PPP1R12B: variants seen among roughly 807,000 people sequenced by gnomAD.
PPP1R12B encodes protein phosphatase 1 regulatory subunit 12B.
A neutral mutation model predicts 126.1 loss-of-function variants in PPP1R12B; 76 were observed. That is an observed-to-expected ratio of 0.60 (90% CI 0.50 to 0.73). The LOEUF (loss-of-function observed/expected upper bound fraction) is 0.73. Ranked by LOEUF, PPP1R12B falls within the 30% of genes least tolerant of loss-of-function variation. The pLI, the probability that PPP1R12B is intolerant of heterozygous loss-of-function variation, is 0.00. For missense variants in PPP1R12B, 1,052 were observed against 1,205.1 expected, an observed-to-expected ratio of 0.87 and a Z score of 1.88; for synonymous variants, 356 against 434.7, an observed-to-expected ratio of 0.82 and a Z score of 2.25.
rs1689955180 is a variant in PPP1R12B, at chr1:202,588,461, T to TGAGTA, written c.*7902_*7906dup. On this transcript the variant is annotated 3_prime_UTR_variant, in exon 24 of 24. Coordinates refer to ENST00000608999, the MANE Select transcript of PPP1R12B (RefSeq NM_002481.4). Reference sequence around the variant, plus strand: ...TTTACTGGTTGTTGTTATATAGTTTTGAGTATTCTGTGTTTGAAAGTTTGG... The same window carrying TGAGTA: ...TTTACTGGTTGTTGTTATATAGTTTTGAGTAGAGTATTCTGTGTTTGAAAGTTTGG... The TGAGTA allele has an allele frequency of 1.3e-5, 2 of 152,742 alleles. No individual in the cohort carries two copies. Among genetic ancestry groups the TGAGTA allele is most frequent in the East Asian group, 3.9e-4 (2 of 5,192 alleles). 9.5% of individuals were successfully genotyped at this position (152,742 alleles called of 1,614,324 possible).
At chr1:202,449,839 A>G (rs1458011795) in intron 13 of PPP1R12B, among the ~76,000 whole-genome samples, 1 of 150,736 alleles carries the variant, frequency 6.6e-6, no homozygotes, top group Admixed American at 6.6e-5. Context: ...GCTACCTGCC[A>G]CCATGCCCGG....
chr1:202,456,908 A>G (rs1280418808), intron 13 of PPP1R12B, among the ~76,000 whole-genome samples: 3 of 152,234 alleles, frequency 2.0e-5, no homozygotes, highest in African/African-American at 7.2e-5. Flanking sequence ...GAATTCACAT[A>G]AAACATAAAC....
At chr1:202,551,460 A>G (rs1686312607) in intron 18 of PPP1R12B, among the ~76,000 whole-genome samples, 1 of 151,954 alleles carries the variant, frequency 6.6e-6, no homozygotes, top group South Asian at 2.1e-4. Context: ...GTATGTAATC[A>G]CCTAGTGCAG....
rs1281423966 is a variant in PPP1R12B, at chr1:202,590,834, AGTTTTCAGCCCCAGG to A, written c.*10283_*10297del. ...AGGCTCTGCCAGGCCCTGATTTTGA[AGTTTTCAGCCCCAGG>A]GTTTTCAGAAAGCAGCAAATCAAGT... On this transcript the variant is annotated 3_prime_UTR_variant, in exon 24 of 24. Transcript: ENST00000608999. 2.0e-5 allele frequency: 3 copies of A among 151,996 alleles called. No homozygotes were observed. The allele number at this position is 151,996 out of a possible 1,614,324, so 9.4% of individuals were successfully genotyped here.
At chr1:202,435,251 C>T (rs535443838) in intron 9 of PPP1R12B, among the ~76,000 whole-genome samples, 2 of 152,188 alleles carry the variant, frequency 1.3e-5, no homozygotes, top group Non-Finnish European at 2.9e-5. Flanking sequence ...CAACCCATAA[C>T]ATTGCCCCCC....
At chr1:202,537,928 A>G (rs1328823028) in intron 18 of PPP1R12B, among the ~76,000 whole-genome samples, 7 of 152,238 alleles carry the variant, frequency 4.6e-5, no homozygotes, top group Non-Finnish European at 7.3e-5. Context: ...TATATAAGCT[A>G]TATCTATAAT....
intron 1 of PPP1R12B, among the ~76,000 whole-genome samples, chr1:202,395,437 A>G (rs564444869): frequency 6.6e-6 from 1 of 152,334 alleles, no homozygotes; most frequent in South Asian, 2.1e-4. Context: ...GACTTAGCTC[A>G]CAACTTACTC....
At chr1:202,406,520 C>T (rs190386068) in intron 1 of PPP1R12B, among the ~76,000 whole-genome samples, 15 of 152,274 alleles carry the variant, frequency 9.9e-5, no homozygotes, top group Admixed American at 9.8e-4. Flanking sequence ...CAAGTAGTTT[C>T]TTGACCCTGG....
intron 13 of PPP1R12B, among the ~76,000 whole-genome samples, chr1:202,479,761 C>T (rs976612857): frequency 6.6e-6 from 1 of 152,216 alleles, no homozygotes; most frequent in African/African-American, 2.4e-5. Flanking sequence ...GTCATCTGAA[C>T]TAATTAGAAA....
Position 202,580,703 on chromosome 1 carries a change from A to C in PPP1R12B, c.*143A>C. 3.0e-6 allele frequency: 2 copies of C among 659,630 alleles called. No individual in the cohort carries two copies. The highest frequency in any genetic ancestry group is 5.4e-6 in the Non-Finnish European group (2 of 369,100). 40.9% of individuals were successfully genotyped at this position (659,630 alleles called of 1,614,324 possible). ...TCTATCACCCTCTTCAGTCACCTCT[A>C]TACACTCTACATTTTCTCTGCACTT... On this transcript the variant is annotated 3_prime_UTR_variant, in exon 24 of 24. Coordinates refer to ENST00000608999, the MANE Select transcript of PPP1R12B (RefSeq NM_002481.4).
At chr1:202,517,187 A>C (rs1178147607) in intron 18 of PPP1R12B, among the ~76,000 whole-genome samples, 1 of 152,220 alleles carries the variant, frequency 6.6e-6, no homozygotes. Context: ...ATTTCCTAAA[A>C]GAAAAGTTTT....
At chr1:202,366,693 A>G (rs1474022082) in intron 1 of PPP1R12B, among the ~76,000 whole-genome samples, 2 of 152,186 alleles carry the variant, frequency 1.3e-5, no homozygotes, top group Admixed American at 6.6e-5. Context: ...TACCAGATGT[A>G]TTAATAATGA....
At chr1:202,354,514 G>A (rs955830038) in intron 1 of PPP1R12B, among the ~76,000 whole-genome samples, 4 of 152,172 alleles carry the variant, frequency 2.6e-5, no homozygotes, top group Admixed American at 1.3e-4. Context: ...GTTGCAGTGA[G>A]CCATGATCGT....
At chr1:202,392,692 A>AT (rs1353882293) in intron 1 of PPP1R12B, among the ~76,000 whole-genome samples, 1 of 150,766 alleles carries the variant, frequency 6.6e-6, no homozygotes, top group Non-Finnish European at 1.5e-5. Context: ...CTAATTTCTA[A>AT]TTTTTTGTAT....
In PPP1R12B at chr1:202,445,074, A is replaced by T. The variant is rs112341840; in HGVS notation, c.1667+2502A>T. ...TTCATTTGGTAGAAGTAGTGACCCC[A>T]CAAGTCCCTACATTTCAGCCAATCG... On this transcript the variant is annotated intron_variant, in intron 12 of 23. Coordinates refer to ENST00000608999, the MANE Select transcript of PPP1R12B (RefSeq NM_002481.4). 9,074 of 1,247,288 alleles carry T rather than the reference A, an allele frequency of 7.3e-3. 44 individuals are homozygous for T. Among genetic ancestry groups the T allele is most frequent in the Middle Eastern group, 0.01 (33 of 3,216 alleles). 77.3% of individuals were successfully genotyped at this position (1,247,288 alleles called of 1,614,324 possible). A position where few individuals can be genotyped will look rare whatever the true frequency, so the allele number is the denominator to read the frequency against.
chr1:202,505,501 A>G (rs1487299629), intron 18 of PPP1R12B, among the ~76,000 whole-genome samples: 1 of 152,118 alleles, frequency 6.6e-6, no homozygotes, highest in Non-Finnish European at 1.5e-5. Flanking sequence ...GCTGGAGGGT[A>G]TCCAGCAACT....
rs1457006856 is a variant in PPP1R12B, at chr1:202,504,681, CTT to C, written c.2490+7860_2490+7861del. ...TTGTATCTTTATATCTGTTATATCT[CTT>C]ATATCATATTACATACTGTTATGAC... On this transcript the variant is annotated intron_variant, in intron 18 of 23. Transcript: ENST00000608999. Among the ~76,000 whole-genome samples the C allele has an allele frequency of 8.5e-5, 13 of 152,268 alleles. No individual in the cohort carries two copies. The South Asian group carries it at 1.2e-3, about 15-fold the overall frequency.
rs558286723 is a variant in PPP1R12B at position 202,587,115 on chromosome 1, T to G, written c.*6555T>G. On this transcript the variant is annotated 3_prime_UTR_variant, in exon 24 of 24. Transcript: ENST00000608999. Reference sequence around the variant, plus strand: ...CCAGAGTGATATTTTCTGTTATTTCTCCTCCAAATTTTTCCCTGATGTTTC... The same window carrying G: ...CCAGAGTGATATTTTCTGTTATTTCGCCTCCAAATTTTTCCCTGATGTTTC... 2 of 152,182 alleles carry G rather than the reference T, an allele frequency of 1.3e-5. No homozygotes were observed. Among genetic ancestry groups the G allele is most frequent in the South Asian group, 4.1e-4 (2 of 4,822 alleles). The allele number at this position is 152,182 out of a possible 1,614,324, so 9.4% of individuals were successfully genotyped here. A position where few individuals can be genotyped will look rare whatever the true frequency, so the allele number is the denominator to read the frequency against.
intron 23 of PPP1R12B, among the ~76,000 whole-genome samples, chr1:202,570,715 T>TG (rs1373352352): frequency 6.6e-6 from 1 of 152,180 alleles, no homozygotes; most frequent in Non-Finnish European, 1.5e-5. Context: ...TTTTAAGAGA[T>TG]GGAGTCTCGC....
Sources: allele counts gnomAD v4.1 joint callset (sites outside exome capture counted in the v4.1 genomes callset), GRCh38; gene constraint gnomAD v4.1.1; transcripts MANE v1.5; gene names NCBI Gene and HGNC (gene_info 2026-07-23, HGNC 2026-07-21).